SDC3: variants seen among roughly 807,000 people sequenced by gnomAD.
The protein encoded by SDC3 is syndecan-3.
SDC3 carries 13 observed loss-of-function variants against 24.4 expected under a neutral mutation model. The ratio of observed to expected loss-of-function variants is 0.53; its 90% CI spans 0.35 to 0.85. The LOEUF (loss-of-function observed/expected upper bound fraction) is 0.85. Ranked by LOEUF, SDC3 falls within the 40% of genes least tolerant of loss-of-function variation. The pLI is 0.01. For synonymous variants in SDC3, 295 were observed against 260.9 expected (o/e 1.13, Z -1.26); for missense variants, 571 against 584.5 (o/e 0.98, Z 0.24).
intron 1 of SDC3, among the ~76,000 whole-genome samples, chr1:30,891,137 A>G (rs1639898353): frequency 6.6e-6 from 1 of 152,094 alleles, no homozygotes; most frequent in African/African-American, 2.4e-5. Flanking sequence ...GGCTGCCCTC[A>G]GGAAAAGGCA....
intron 3 of SDC3, among the ~76,000 whole-genome samples, chr1:30,875,094 G>A (rs1196221076): frequency 1.3e-5 from 2 of 152,176 alleles, no homozygotes; most frequent in Non-Finnish European, 2.9e-5. Context: ...ATGGCCTCAG[G>A]GGCAGGTGTC....
rs753854381 is a variant in SDC3, at chr1:30,878,648, G to C, written c.231C>G (p.Asp77Glu). ...AGCCCGAGCCCGACCCCGAGTAGAG[G>C]TCATCCAGTTCATCATCGGGAAAGG... ...DDSFPDDELDDLYSGSGSGYF... is the reference protein window; with the variant it reads ...DDSFPDDELDELYSGSGSGYF... Residue 77 changes from aspartate to glutamate, a missense_variant, in exon 2 of 5, where the codon GAC becomes GAG. Around this residue, in one of 2 missense-constraint regions of SDC3, gnomAD observed 497 missense variants for 471.6 expected, o/e 1.05. Transcript: ENST00000339394. 1 of 1,614,116 alleles carries C rather than the reference G, an allele frequency of 6.2e-7. No homozygotes were observed. The highest frequency in any genetic ancestry group is 8.5e-7 in the Non-Finnish European group (1 of 1,179,956).
At chr1:30,905,662 TA>T (rs1638504927) in intron 1 of SDC3, among the ~76,000 whole-genome samples, 1 of 152,054 alleles carries the variant, frequency 6.6e-6, no homozygotes, top group Non-Finnish European at 1.5e-5. Context: ...GACTAACACC[TA>T]AGATCCCTTC....
rs376190065 is a variant in SDC3 at position 30,876,726 on chromosome 1, C to A, written c.696G>T (p.Pro232=). The A allele has an allele frequency of 3.1e-6, 5 of 1,591,938 alleles. No individual in the cohort carries two copies. Among genetic ancestry groups the A allele is most frequent in the South Asian group, 1.1e-5 (1 of 88,248 alleles). The change falls in exon 3 of 5, where the codon CCG becomes CCT. Residue 232 remains proline, a synonymous_variant. Transcript: ENST00000339394. ...TGTCCAAGACAGCCGCCGTGGTGGGCGGGGAGGGCGCCTCGGGGGTAGTGG... is the reference window on the plus strand; with the variant it reads ...TGTCCAAGACAGCCGCCGTGGTGGGAGGGGAGGGCGCCTCGGGGGTAGTGG... ...ARATTPEAPS[P]PTTAAVLDTE...
chr1:30,886,155 T>C (rs538607188), intron 1 of SDC3, among the ~76,000 whole-genome samples: 1 of 151,754 alleles, frequency 6.6e-6, no homozygotes, highest in African/African-American at 2.4e-5. Flanking sequence ...TTTACAGTTC[T>C]GGGAACACGG....
intron 3 of SDC3, among the ~76,000 whole-genome samples, chr1:30,874,924 C>A (rs995440435): frequency 6.6e-6 from 1 of 152,236 alleles, no homozygotes; most frequent in African/African-American, 2.4e-5. Context: ...TCCCCTCCAG[C>A]TGCCTTAGTA....
At chr1:30,896,145 GT>G (rs1639995657) in intron 1 of SDC3, among the ~76,000 whole-genome samples, 1 of 152,182 alleles carries the variant, frequency 6.6e-6, no homozygotes, top group African/African-American at 2.4e-5. Context: ...AGGACCAAAT[GT>G]GACAACAGGG....
In SDC3 at chr1:30,874,330, T is replaced by C. The variant is rs1267333834; in HGVS notation, c.1129A>G (p.Lys377Glu). ...ACCTCCTTCCGCTCCAGGATACTCT[T>C]CTGAGGCAGCTGAGCAGCTGAGCTG... is the stretch of plus-strand genomic sequence containing the variant. Reference protein sequence around the residue: ...SGSSAAQLPQKSILERKEVLV... With the variant: ...SGSSAAQLPQESILERKEVLV... The change falls in exon 4 of 5, where the codon AAG becomes GAG. Residue 377 changes from lysine (K) to glutamate (E), a missense_variant. Around this residue, in one of 2 missense-constraint regions of SDC3, gnomAD observed 74 missense variants for 112.9 expected, o/e 0.66. Coordinates refer to ENST00000339394, the MANE Select transcript of SDC3 (RefSeq NM_014654.4). The C allele has an allele frequency of 1.2e-6, 2 of 1,612,984 alleles. No individual in the cohort carries two copies. The highest frequency in any genetic ancestry group is 2.7e-5 in the African/African-American group (2 of 74,884).
At chr1:30,881,556 C>CCGGCCACCACTGATCT (rs1639745677) in intron 1 of SDC3, 1 of 152,270 alleles carries the variant, frequency 6.6e-6, no homozygotes, top group African/African-American at 2.4e-5. Context: ...CCTTCTGCTT[C>CCGGCCACCACTGATCT]CGGCCACCAC....
intron 2 of SDC3, 103 bp from the exon 3 acceptor site, chr1:30,877,268 C>G (rs1362066889): frequency 2.1e-6 from 3 of 1,451,712 alleles, no homozygotes; most frequent in Admixed American, 3.9e-5. Context: ...TCTCCCAACC[C>G]CCTCTCTTTA....
intron 1 of SDC3, among the ~76,000 whole-genome samples, chr1:30,890,367 T>C (rs1040962934): frequency 2.0e-5 from 3 of 152,212 alleles, no homozygotes; most frequent in Non-Finnish European, 2.9e-5. Flanking sequence ...GAAACCATTA[T>C]GTTAAGTGAA....
Position 30,908,586 on chromosome 1 carries a change from TGGCGGCGGCGCGGGCGCG to T in SDC3, c.-18_-1del. The T allele has an allele frequency of 1.0e-6, 1 of 971,990 alleles. No individual in the cohort carries two copies. Among genetic ancestry groups the T allele is most frequent in the Non-Finnish European group, 1.2e-6 (1 of 824,248 alleles). 60.2% of individuals were successfully genotyped at this position (971,990 alleles called of 1,614,324 possible). On this transcript the variant is annotated 5_prime_UTR_variant, in exon 1 of 5. Coordinates refer to ENST00000339394, the MANE Select transcript of SDC3 (RefSeq NM_014654.4). ...GCACGGTGCGGCGGCCCCGGCTTCA[TGGCGGCGGCGCGGGCGCG>T]GGCGGCGGGCGGCGGGCGGGCGCCT...
intron 1 of SDC3, among the ~76,000 whole-genome samples, chr1:30,907,964 G>T (rs1638560574): frequency 6.6e-6 from 1 of 152,178 alleles, no homozygotes; most frequent in African/African-American, 2.4e-5. Context: ...CGAGGCAAAA[G>T]CCAGGCTCAC....
chr1:30,873,489 G>A, intron 4 of SDC3, 112 bp from the exon 5 acceptor site: 1 of 702,478 alleles, frequency 1.4e-6, no homozygotes, highest in Non-Finnish European at 2.5e-6. Flanking sequence ...CCAGATCTGA[G>A]TTGGAGTGAT....
chr1:30,876,528 C>A lies in SDC3; in HGVS notation c.870+24G>T. The A allele has an allele frequency of 2.0e-6, 3 of 1,506,422 alleles. No homozygotes were observed. In the South Asian group the frequency reaches 4.1e-5, roughly 21 times the overall value. 93.3% of individuals were successfully genotyped at this position (1,506,422 alleles called of 1,614,324 possible). A position where few individuals can be genotyped will look rare whatever the true frequency, so the allele number is the denominator to read the frequency against. ...TGACCCACCCTCCTCCGCCCTCCTC[C>A]CTGTCCCTTCTCAACACCCTCACCT... On this transcript the variant is annotated intron_variant, in intron 3 of 4. Transcript: ENST00000339394.
chr1:30,892,556 A>C (rs1478322874), intron 1 of SDC3, among the ~76,000 whole-genome samples: 1 of 152,182 alleles, frequency 6.6e-6, no homozygotes, highest in Admixed American at 6.5e-5. Flanking sequence ...GATGGACTCA[A>C]AGTTGGACTT....
intron 1 of SDC3, among the ~76,000 whole-genome samples, chr1:30,904,296 C>T (rs1165195335): frequency 6.6e-6 from 1 of 151,808 alleles, no homozygotes; most frequent in Non-Finnish European, 1.5e-5. Flanking sequence ...TGAAATAAGC[C>T]GATACATGTA....
rs1639596954 is a variant in SDC3 at position 30,874,470 on chromosome 1, G to C, written c.989C>G (p.Ala330Gly). 7 of 1,614,144 alleles carry C rather than the reference G, an allele frequency of 4.3e-6. No homozygotes were observed. The African/African-American group carries it at 8.0e-5, about 18-fold the overall frequency. ...PEEETTQPDT[A>G]NEVVAVGGAA... is the part of the protein sequence containing the mutation. Reference sequence around the variant, plus strand: ...CCCTCCCACAGCTACCACCTCATTGGCTGTGTCTGGTTGTGTGGTCTCTTC... The same window carrying C: ...CCCTCCCACAGCTACCACCTCATTGCCTGTGTCTGGTTGTGTGGTCTCTTC... The change falls in exon 4 of 5, where the codon GCC (alanine) becomes GGC (glycine). Residue 330 changes from alanine (A) to glycine (G), a missense_variant. Physicochemically the swap from Ala to Gly is moderately conservative, Grantham distance 60. This residue lies in a region of SDC3 where 497 missense variants were observed against 471.6 expected (regional missense o/e 1.05). Transcript: ENST00000339394.
chr1:30,900,921 ACC>A (rs1201865603), intron 1 of SDC3, among the ~76,000 whole-genome samples: 1 of 151,966 alleles, frequency 6.6e-6, no homozygotes, highest in Non-Finnish European at 1.5e-5. Context: ...ACCAGACAGC[ACC>A]CTGGAAGCCC....
Sources: gnomAD v4.1 joint callset for allele counts (sites outside exome capture counted in the v4.1 genomes callset) on GRCh38, gnomAD v4.1.1 for gene constraint, gnomAD v4.1.1 regional missense constraint, MANE v1.5 for transcripts, NCBI Gene and HGNC (gene_info 2026-07-23, HGNC 2026-07-21) for gene names.